Variants in COBL observed in about 807,000 individuals in gnomAD.
COBL encodes cordon-bleu WH2 repeat protein.
A neutral mutation model predicts 98.8 loss-of-function variants in COBL; 51 were observed. That is an observed-to-expected ratio of 0.52 (90% confidence interval 0.41 to 0.65). The LOEUF (loss-of-function observed/expected upper bound fraction) is 0.65, where lower values mean the gene tolerates loss of function less well. Ranked by LOEUF, COBL falls within the 30% of genes least tolerant of loss-of-function variation. The pLI is 0.00. For missense variants in COBL, 1,617 were observed against 1,617.5 expected (o/e 1.00, Z 0.01); for synonymous variants, 634 against 651.7 (o/e 0.97, Z 0.41).
intron 7 of COBL, chr7:51,083,260 A>T: frequency 7.0e-7 from 1 of 1,431,784 alleles, no homozygotes; most frequent in Non-Finnish European, 9.1e-7. Flanking sequence ...TTACTTCAGC[A>T]GGTTAAACCA....
chr7:51,079,596 T>A (rs916767936), intron 7 of COBL, among the ~76,000 whole-genome samples: 1 of 152,190 alleles, frequency 6.6e-6, no homozygotes. Flanking sequence ...AAAGGATAAA[T>A]GCCTAGAGGG....
intron 8 of COBL, among the ~76,000 whole-genome samples, chr7:51,042,164 C>T (rs1405779018): frequency 1.3e-5 from 2 of 151,984 alleles, no homozygotes; most frequent in African/African-American, 4.8e-5. Flanking sequence ...CGGGAAGGAT[C>T]TCTTAAATAG....
At chr7:51,093,363 A>C (rs1794986781) in intron 6 of COBL, among the ~76,000 whole-genome samples, 1 of 152,198 alleles carries the variant, frequency 6.6e-6, no homozygotes, top group Non-Finnish European at 1.5e-5. Context: ...TGGCTATGAC[A>C]AAAAAAGATG....
At chr7:51,294,830 G>A (rs1310822219) in intron 1 of COBL, among the ~76,000 whole-genome samples, 1 of 151,894 alleles carries the variant, frequency 6.6e-6, no homozygotes, top group African/African-American at 2.4e-5. Context: ...CATTTATATA[G>A]AATTTAAAGT....
chr7:51,116,287 A>T (rs1256376323), intron 6 of COBL, among the ~76,000 whole-genome samples: 1 of 152,094 alleles, frequency 6.6e-6, no homozygotes, highest in Non-Finnish European at 1.5e-5. Context: ...GGGTTTTAAA[A>T]ATTTAACCAC....
At chr7:51,293,359 GTCAA>G (rs1350239269) in intron 1 of COBL, among the ~76,000 whole-genome samples, 2 of 152,142 alleles carry the variant, frequency 1.3e-5, no homozygotes, top group African/African-American at 2.4e-5. Context: ...CAACCTAAAT[GTCAA>G]TCAATGGGAG....
intron 2 of COBL, among the ~76,000 whole-genome samples, chr7:51,217,031 AG>A (rs1306952415): frequency 1.3e-5 from 2 of 152,336 alleles, no homozygotes; most frequent in Admixed American, 6.5e-5. Context: ...GGCAGCTCAC[AG>A]CTGCTGCTAT....
intron 6 of COBL, among the ~76,000 whole-genome samples, chr7:51,104,246 A>G (rs1394643705): frequency 6.6e-6 from 1 of 152,244 alleles, no homozygotes; most frequent in Non-Finnish European, 1.5e-5. Flanking sequence ...AAATTTTTAA[A>G]CCTACATTTT....
intron 7 of COBL, among the ~76,000 whole-genome samples, chr7:51,077,134 T>G (rs768696311): frequency 2.0e-5 from 3 of 152,218 alleles, no homozygotes; most frequent in Admixed American, 6.5e-5. Flanking sequence ...AAAATCCGTA[T>G]GCACACAACT....
chr7:51,229,414 G>A (rs1323896655), intron 1 of COBL, among the ~76,000 whole-genome samples: 1 of 152,222 alleles, frequency 6.6e-6, no homozygotes, highest in Non-Finnish European at 1.5e-5. Flanking sequence ...AGAGTTGTGA[G>A]GGAGGAAGGG....
chr7:51,083,728 T>C (rs1042353353), intron 7 of COBL, among the ~76,000 whole-genome samples: 5 of 152,202 alleles, frequency 3.3e-5, no homozygotes, highest in African/African-American at 9.6e-5. Context: ...TCAACCCCTT[T>C]GGTTGTTTAG....
rs185024508 is a variant in COBL at position 51,053,678 on chromosome 7, G to A, written c.1097-9986C>T. 3.3e-3 allele frequency among the ~76,000 whole-genome samples: 503 copies of A among 152,262 alleles called. 12 individuals are homozygous for A. In the South Asian group the frequency reaches 0.043, roughly 13 times the overall value. On this transcript the variant is annotated intron_variant, in intron 7 of 12. Coordinates refer to ENST00000265136, the MANE Select transcript of COBL (RefSeq NM_015198.5). ...CCCTGTAATGTCAGTCATCCCAAGC[G>A]CCCGTCCCTGTGCCTCGCCTGCCCC...
At chr7:51,273,731 G>C (rs1052933262) in intron 1 of COBL, among the ~76,000 whole-genome samples, 2 of 152,216 alleles carry the variant, frequency 1.3e-5, no homozygotes, top group African/African-American at 4.8e-5. Flanking sequence ...TTCTACCAGA[G>C]AGACAAACTA....
chr7:51,187,141 G>T (rs1240927842), intron 4 of COBL, among the ~76,000 whole-genome samples: 1 of 152,026 alleles, frequency 6.6e-6, no homozygotes, highest in African/African-American at 2.4e-5. Context: ...AGAGAAGGAT[G>T]AAGGACCCTT....
intron 2 of COBL, among the ~76,000 whole-genome samples, chr7:51,215,833 G>A (rs1175543520): frequency 6.6e-6 from 1 of 152,198 alleles, no homozygotes; most frequent in Non-Finnish European, 1.5e-5. Flanking sequence ...GTCCCTCCCA[G>A]CCTCCCTTCC....
At chr7:51,142,811 A>C (rs1254214287) in intron 5 of COBL, among the ~76,000 whole-genome samples, 1 of 152,184 alleles carries the variant, frequency 6.6e-6, no homozygotes, top group East Asian at 1.9e-4. Context: ...TAACAATGAC[A>C]ATTTCAGAAA....
intron 7 of COBL, among the ~76,000 whole-genome samples, chr7:51,066,024 A>T (rs550588104): frequency 2.0e-5 from 3 of 152,334 alleles, no homozygotes; most frequent in African/African-American, 7.2e-5. Context: ...GTGAGAGAAT[A>T]AATTTCCACC....
chr7:51,268,945 A>AT (rs1324254632), intron 1 of COBL, among the ~76,000 whole-genome samples: 1 of 151,522 alleles, frequency 6.6e-6, no homozygotes, highest in Non-Finnish European at 1.5e-5. Context: ...AAAAAAAAAA[A>AT]AAAAAAAAAT....
At chr7:51,073,140 T>G (rs1792727832) in intron 7 of COBL, 1 of 394,346 alleles carries the variant, frequency 2.5e-6, no homozygotes, top group South Asian at 1.3e-4. Context: ...AATTTGCATA[T>G]AATTTACCTC....
Sources: allele counts gnomAD v4.1 joint callset (sites outside exome capture counted in the v4.1 genomes callset), GRCh38; gene constraint gnomAD v4.1.1; transcripts MANE v1.5; gene names NCBI Gene and HGNC (gene_info 2026-07-23, HGNC 2026-07-21).